Variants in TMEM169 observed in about 807,000 individuals in gnomAD.
TMEM169 encodes transmembrane protein 169.
A neutral mutation model predicts 27.3 loss-of-function variants in TMEM169; 18 were observed. That is an observed-to-expected ratio of 0.66 (90% CI 0.46 to 0.98). TMEM169 has a LOEUF of 0.98. Ranked by LOEUF, TMEM169 falls within the 50% of genes least tolerant of loss-of-function variation. The probability of loss-of-function intolerance (pLI) is 0.00; values close to 1 mark genes in which losing one functional copy is unlikely to be tolerated. For synonymous variants in TMEM169, 136 were observed against 142.1 expected (o/e 0.96, Z 0.30); for missense variants, 320 against 368.6 (o/e 0.87, Z 1.08).
intron 1 of TMEM169, among the ~76,000 whole-genome samples, chr2:216,088,738 A>G (rs1696063788): frequency 6.6e-6 from 1 of 152,224 alleles, no homozygotes; most frequent in Non-Finnish European, 1.5e-5. Context: ...GTACTGTATA[A>G]TCAACACAGA....
chr2:216,086,606 C>T (rs1163007518), intron 1 of TMEM169, among the ~76,000 whole-genome samples: 1 of 152,162 alleles, frequency 6.6e-6, no homozygotes, highest in African/African-American at 2.4e-5. Flanking sequence ...AGAATCAAGC[C>T]TTTCTTTCTT....
chr2:216,094,993 C>A (rs1696228443), intron 1 of TMEM169, among the ~76,000 whole-genome samples: 1 of 152,040 alleles, frequency 6.6e-6, no homozygotes, highest in Non-Finnish European at 1.5e-5. Flanking sequence ...GAGGTTGTAC[C>A]ATTTGAGTGG....
At position 216,096,161 on chromosome 2, in the gene TMEM169, C is replaced by T. The variant is rs148746587; in HGVS notation, c.198C>T (p.Pro66=). The change falls in exon 2 of 3, where the codon CCC becomes CCT. Residue 66 remains proline, a synonymous_variant. Coordinates refer to ENST00000437356, the MANE Select transcript of TMEM169 (RefSeq NM_001142311.2). Reference sequence around the variant, plus strand: ...ACAATGAGAAAACAGATGAGGAGCCCGGAGAATCAGAAGGTGGAGATCAGC... The same window carrying T: ...ACAATGAGAAAACAGATGAGGAGCCTGGAGAATCAGAAGGTGGAGATCAGC... ...RSDNEKTDEE[P]GESEGGDQPK... is the part of the protein sequence containing the mutation. 190 of 1,614,062 alleles carry T rather than the reference C, an allele frequency of 1.2e-4. No homozygotes were observed. The African/African-American group carries it at 1.7e-3, about 14-fold the overall frequency.
At chr2:216,096,286 G>A in intron 2 of TMEM169, 52 bp downstream of exon 2, 1 of 1,574,810 alleles carries the variant, frequency 6.3e-7, no homozygotes, top group Non-Finnish European at 8.6e-7. Context: ...AACCAAAAGG[G>A]CATCTTCCAG....
At chr2:216,095,336 C>T (rs1246285951) in intron 1 of TMEM169, among the ~76,000 whole-genome samples, 1 of 151,940 alleles carries the variant, frequency 6.6e-6, no homozygotes, top group Non-Finnish European at 1.5e-5. Flanking sequence ...GATCCACCCG[C>T]CTCGGCCTCT....
chr2:216,099,161 A>G lies in TMEM169; in HGVS notation c.272-759A>G, dbSNP rs1478233930. On this transcript the variant is annotated intron_variant, in intron 2 of 2. Coordinates refer to ENST00000437356, the MANE Select transcript of TMEM169 (RefSeq NM_001142311.2). This position sits in a 1 kb window ranked among gnomAD's most constrained non-coding sequence, Gnocchi z 5.0. ...TGTATATGGTATGTGTATGTGTTGT[A>G]TGTGGTATGTGTGGGGAGGTTGTGT... Among the ~76,000 whole-genome samples the G allele has an allele frequency of 6.7e-6, 1 of 148,862 alleles. No individual in the cohort carries two copies. Among genetic ancestry groups the G allele is most frequent in the Non-Finnish European group, 1.5e-5 (1 of 67,210 alleles).
In TMEM169 at chr2:216,101,191, T is replaced by C. The variant is rs992829679; in HGVS notation, c.*649T>C. 1 of 157,196 alleles carries C rather than the reference T, an allele frequency of 6.4e-6. No homozygotes were observed. Among genetic ancestry groups the C allele is most frequent in the African/African-American group, 2.4e-5 (1 of 41,444 alleles). The allele number at this position is 157,196 out of a possible 1,614,324, so 9.7% of individuals were successfully genotyped here. Reference sequence around the variant, plus strand: ...TAGGATGTGACCCTTCTCACCCTTATCCCCAACATCCCAGTGCTGATTACA... The same window carrying C: ...TAGGATGTGACCCTTCTCACCCTTACCCCCAACATCCCAGTGCTGATTACA... On this transcript the variant is annotated 3_prime_UTR_variant, in exon 3 of 3. Coordinates refer to ENST00000437356, the MANE Select transcript of TMEM169 (RefSeq NM_001142311.2).
At chr2:216,094,236 G>A (rs1465270663) in intron 1 of TMEM169, among the ~76,000 whole-genome samples, 4 of 152,166 alleles carry the variant, frequency 2.6e-5, no homozygotes, top group Non-Finnish European at 5.9e-5. Context: ...AATATGCACA[G>A]TTATTTGAAA....
chr2:216,094,182 G>T, intron 1 of TMEM169, among the ~76,000 whole-genome samples: 1 of 152,346 alleles, frequency 6.6e-6, no homozygotes, highest in South Asian at 2.1e-4. Flanking sequence ...GCCTCGAGGA[G>T]TGTGGGGCGG....
At chr2:216,083,606 G>A (rs1267435230) in intron 1 of TMEM169, among the ~76,000 whole-genome samples, 1 of 152,166 alleles carries the variant, frequency 6.6e-6, no homozygotes. Flanking sequence ...AGCGGACTGA[G>A]AGTGGGATTC....
chr2:216,099,434 C>T lies in TMEM169; in HGVS notation c.272-486C>T, dbSNP rs558717970. ...GGATGCATGTGTGTATGCGTGCAGC[C>T]CCTGGATGTGAGGGCTGGATCAGGC... On this transcript the variant is annotated intron_variant, in intron 2 of 2. Coordinates refer to ENST00000437356, the MANE Select transcript of TMEM169 (RefSeq NM_001142311.2). The surrounding 1 kb of genome is among the most constrained non-coding windows in gnomAD (Gnocchi z 5.0). Among the ~76,000 whole-genome samples the T allele has an allele frequency of 6.6e-5, 10 of 151,708 alleles. No homozygotes were observed. Among genetic ancestry groups the T allele is most frequent in the African/African-American group, 2.4e-4 (10 of 41,300 alleles).
chr2:216,100,463 A>G lies in TMEM169; in HGVS notation c.815A>G (p.Glu272Gly). The change falls in exon 3 of 3, where the codon GAG becomes GGG. Residue 272 changes from glutamate (E) to glycine (G), a missense_variant. Transcript: ENST00000437356. Reference protein sequence around the residue: ...LEDCSPYSIVELLESDNISST... With the variant: ...LEDCSPYSIVGLLESDNISST... Reference sequence around the variant, plus strand: ...GACTGTTCTCCCTACAGCATTGTGGAGTTGCTTGAATCCGACAATATCTCA... The same window carrying G: ...GACTGTTCTCCCTACAGCATTGTGGGGTTGCTTGAATCCGACAATATCTCA... The G allele has an allele frequency of 6.2e-7, 1 of 1,613,978 alleles. No individual in the cohort carries two copies. The highest frequency in any genetic ancestry group is 2.2e-5 in the East Asian group (1 of 44,872).
intron 1 of TMEM169, among the ~76,000 whole-genome samples, chr2:216,087,578 C>T (rs1006232668): frequency 2.0e-5 from 3 of 152,034 alleles, no homozygotes; most frequent in East Asian, 1.9e-4. Flanking sequence ...TAAATGTTGG[C>T]GGGTAGTATG....
rs1239334398 is a variant in TMEM169, at chr2:216,100,521, A to C, written c.873A>C (p.Glu291Asp). 1.2e-6 allele frequency: 2 copies of C among 1,614,132 alleles called. No homozygotes were observed. The highest frequency in any genetic ancestry group is 2.2e-5 in the South Asian group (2 of 91,084). Residue 291 changes from glutamate to aspartate, a missense_variant, in exon 3 of 3, where the codon GAA becomes GAC. Transcript: ENST00000437356. ...TCTCCAACAAGGACCCCATCCAAGA[A>C]GTAGAAACCTCCACGGTCTAAACTC... ...STLSNKDPIQ[E>D]VETSTV
At chr2:216,086,560 A>G (rs1190298001) in intron 1 of TMEM169, among the ~76,000 whole-genome samples, 1 of 152,228 alleles carries the variant, frequency 6.6e-6, no homozygotes. Context: ...CAGATCAAAT[A>G]CTTACAGCAT....
chr2:216,095,694 G>C lies in TMEM169; in HGVS notation c.-126-144G>C, dbSNP rs1159726586. Reference sequence around the variant, plus strand: ...AGTTTATTCACTGTCTATTATAAGAGATTTAGATTGCATTCCCAAAATAAA... The same window carrying C: ...AGTTTATTCACTGTCTATTATAAGACATTTAGATTGCATTCCCAAAATAAA... On this transcript the variant is annotated intron_variant, in intron 1 of 2. Transcript: ENST00000437356. 6 of 399,302 alleles carry C rather than the reference G, an allele frequency of 1.5e-5. No homozygotes were observed. The East Asian group carries it at 2.4e-4, about 16-fold the overall frequency. The allele number at this position is 399,302 out of a possible 1,614,324, so 24.7% of individuals were successfully genotyped here. A position where few individuals can be genotyped will look rare whatever the true frequency, so the allele number is the denominator to read the frequency against.
chr2:216,086,189 G>T (rs566354564), intron 1 of TMEM169, among the ~76,000 whole-genome samples: 1 of 151,784 alleles, frequency 6.6e-6, no homozygotes, highest in Non-Finnish European at 1.5e-5. Flanking sequence ...CTCAGCCTCC[G>T]GAGTAGCTGA....
At chr2:216,095,109 C>CTTTTTTTTCTTT (rs1553564689) in intron 1 of TMEM169, among the ~76,000 whole-genome samples, 1 of 110,484 alleles carries the variant, frequency 9.1e-6, no homozygotes, top group Admixed American at 1.1e-4. Context: ...TTTTTTCTTT[C>CTTTTTTTTCTTT]TTTTTTTTTT....
Position 216,095,929 on chromosome 2 carries a change from C to A in TMEM169, c.-35C>A. On this transcript the variant is annotated 5_prime_UTR_variant, in exon 2 of 3. Transcript: ENST00000437356. ...TGTGAGTTTACTCAAACAAGTCCAA[C>A]TCTTTATAAGACATAGGTAGACGTC... 1.3e-6 allele frequency: 2 copies of A among 1,582,488 alleles called. No individual in the cohort carries two copies. Among genetic ancestry groups the A allele is most frequent in the South Asian group, 1.1e-5 (1 of 87,454 alleles).
Sources: allele counts gnomAD v4.1 joint callset (sites outside exome capture counted in the v4.1 genomes callset), GRCh38; gene constraint gnomAD v4.1.1; non-coding constraint Gnocchi (gnomAD v3.1); transcripts MANE v1.5; gene names NCBI Gene and HGNC (gene_info 2026-07-23, HGNC 2026-07-21).